The following PIK3R3 variants were observed in gnomAD, a reference collection of about 807,000 sequenced individuals.
PIK3R3 encodes phosphatidylinositol 3-kinase regulatory subunit gamma.
Under a neutral mutation model 62.9 loss-of-function variants are expected in PIK3R3, and 64 were observed. The observed-to-expected ratio is 1.02, with a 90% confidence interval of 0.83 to 1.25. The LOEUF (loss-of-function observed/expected upper bound fraction) is 1.25, where lower values mean the gene tolerates loss of function less well. PIK3R3 is among the 50% of genes most tolerant of loss of function. The probability of loss-of-function intolerance (pLI) is 0.00; values close to 1 mark genes in which losing one functional copy is unlikely to be tolerated. For missense variants in PIK3R3, 614 were observed against 561.6 expected (o/e 1.09, Z -0.94); for synonymous variants, 165 against 189.0 (o/e 0.87, Z 1.04).
In PIK3R3 at chr1:46,053,473, G is replaced by A. The variant is rs1647563490; in HGVS notation, c.941+2322C>T. On this transcript the variant is annotated intron_variant, in intron 7 of 9. Coordinates refer to ENST00000262741, the MANE Select transcript of PIK3R3 (RefSeq NM_003629.4). Reference sequence around the variant, plus strand: ...AACACTCAAGGTGACGGTATTAGGAGGTGAGGACTTTGGGAGGTGATTAGG... The same window carrying A: ...AACACTCAAGGTGACGGTATTAGGAAGTGAGGACTTTGGGAGGTGATTAGG... 2.0e-5 allele frequency among the ~76,000 whole-genome samples: 3 copies of A among 152,170 alleles called. No individual in the cohort carries two copies. The South Asian group carries it at 6.2e-4, about 32-fold the overall frequency.
chr1:46,158,131 C>T, the PIK3R3 span, among the ~76,000 whole-genome samples: 1 of 152,204 alleles, frequency 6.6e-6, no homozygotes, highest in African/African-American at 2.4e-5. Flanking sequence ...CCTTCTCACC[C>T]CCATTCCTGC....
chr1:46,071,752 G>GAC (rs1649550141), intron 3 of PIK3R3, among the ~76,000 whole-genome samples: 1 of 125,662 alleles, frequency 8.0e-6, no homozygotes, highest in Non-Finnish European at 1.6e-5. Flanking sequence ...GAGAGAGAGA[G>GAC]AGAGAGAGCG....
chr1:46,072,638 A>G (rs1649641484), intron 3 of PIK3R3, among the ~76,000 whole-genome samples: 1 of 152,242 alleles, frequency 6.6e-6, no homozygotes, highest in African/African-American at 2.4e-5. Context: ...ATAAATAAGA[A>G]GCATATTCAT....
chr1:46,050,710 C>A (rs2149378804), intron 7 of PIK3R3, among the ~76,000 whole-genome samples: 1 of 152,198 alleles, frequency 6.6e-6, no homozygotes, highest in South Asian at 2.1e-4. Context: ...CAGCATATAC[C>A]CATGAAAAAT....
intron 1 of PIK3R3, among the ~76,000 whole-genome samples, chr1:46,091,753 T>C (rs1488195749): frequency 6.6e-6 from 1 of 152,134 alleles, no homozygotes; most frequent in Non-Finnish European, 1.5e-5. Flanking sequence ...CCAGGACCCC[T>C]GCAGATACCA....
intron 3 of PIK3R3, among the ~76,000 whole-genome samples, chr1:46,068,698 T>C (rs558998030): frequency 3.3e-5 from 5 of 152,262 alleles, no homozygotes; most frequent in African/African-American, 1.2e-4. Context: ...AGGGCATGCT[T>C]GGCATGTTCG....
intron 3 of PIK3R3, among the ~76,000 whole-genome samples, chr1:46,074,510 C>T (rs1649885848): frequency 6.6e-6 from 1 of 151,890 alleles, no homozygotes; most frequent in African/African-American, 2.4e-5. Context: ...TTAGGGGCTG[C>T]TGGGACTCAA....
At chr1:46,127,266 C>T (rs1655170306) in intron 1 of PIK3R3, among the ~76,000 whole-genome samples, 1 of 150,750 alleles carries the variant, frequency 6.6e-6, no homozygotes, top group South Asian at 2.1e-4. Context: ...CATTTGAGCC[C>T]AGGAGGTTGA....
At chr1:46,056,028 C>A in intron 6 of PIK3R3, 57 bp from the exon 7 acceptor site, 1 of 1,181,982 alleles carries the variant, frequency 8.5e-7, no homozygotes, top group East Asian at 2.4e-5. Flanking sequence ...ACAGATCCTA[C>A]TGGGTGAGCA....
rs1647048940 is a variant in PIK3R3 at position 46,044,037 on chromosome 1, TA to T, written c.1188-167del. Among the ~76,000 whole-genome samples the T allele has an allele frequency of 1.3e-5, 2 of 152,166 alleles. No homozygotes were observed. Among genetic ancestry groups the T allele is most frequent in the Non-Finnish European group, 2.9e-5 (2 of 68,032 alleles). The stretch of plus-strand genomic sequence containing the variant: ...CATTCCCTACAGACTTGGCCACAGA[TA>T]CGGGTGTTAAAACAACCACAAATGT... On this transcript the variant is annotated intron_variant, in intron 9 of 9. Coordinates refer to ENST00000262741, the MANE Select transcript of PIK3R3 (RefSeq NM_003629.4). This position sits in a 1 kb window ranked among gnomAD's most constrained non-coding sequence, Gnocchi z 4.2.
At chr1:46,152,720 G>T in the PIK3R3 span, among the ~76,000 whole-genome samples, 26,845 of 151,872 alleles carry the variant, frequency 0.18, 2,619 homozygotes, top group South Asian at 0.39. Context: ...CTGCCACCAC[G>T]CCTGGCTAAT....
the PIK3R3 span, among the ~76,000 whole-genome samples, chr1:46,164,951 G>T: frequency 1.3e-4 from 19 of 151,788 alleles, no homozygotes; most frequent in Non-Finnish European, 2.2e-4. Context: ...CCTCCTGCCT[G>T]AGCCTCCCAA....
chr1:46,124,585 T>C (rs1220628087), intron 1 of PIK3R3, among the ~76,000 whole-genome samples: 3 of 150,974 alleles, frequency 2.0e-5, no homozygotes, highest in African/African-American at 7.3e-5. Context: ...CCACCTGAGG[T>C]TGGGAGTTCG....
intron 1 of PIK3R3, among the ~76,000 whole-genome samples, chr1:46,122,121 G>A (rs537529405): frequency 7.7e-4 from 117 of 151,850 alleles, no homozygotes; most frequent in African/African-American, 2.8e-3. Context: ...AAAAGAAAAA[G>A]AAAACAATAA....
At chr1:46,086,468 G>C (rs1344563637) in intron 1 of PIK3R3, among the ~76,000 whole-genome samples, 1 of 152,128 alleles carries the variant, frequency 6.6e-6, no homozygotes, top group Non-Finnish European at 1.5e-5. Context: ...GGGAGGTCGA[G>C]GCAGGTGGAT....
chr1:46,133,343 A>C (rs577640478), upstream of PIK3R3, among the ~76,000 whole-genome samples: 1 of 152,208 alleles, frequency 6.6e-6, no homozygotes, highest in African/African-American at 2.4e-5. Context: ...CCGGACGAGT[A>C]AGGAGAGGAG....
At chr1:46,165,581 C>T in the PIK3R3 span, among the ~76,000 whole-genome samples, 1 of 151,796 alleles carries the variant, frequency 6.6e-6, no homozygotes, top group African/African-American at 2.4e-5. Flanking sequence ...GCTGGGATTA[C>T]AAGCGTGAGC....
intron 1 of PIK3R3, among the ~76,000 whole-genome samples, chr1:46,112,173 ATTG>A (rs1450095687): frequency 6.6e-6 from 1 of 152,174 alleles, no homozygotes; most frequent in Admixed American, 6.5e-5. Flanking sequence ...AATGTGAAAC[ATTG>A]TTTTTGGTTT....
intron 1 of PIK3R3, among the ~76,000 whole-genome samples, chr1:46,128,683 A>AAGC (rs1655301782): frequency 6.6e-6 from 1 of 152,230 alleles, no homozygotes. Context: ...TGGGCAAGCT[A>AAGC]AGCAGCTCAT....
Sources: allele counts gnomAD v4.1 joint callset (sites outside exome capture counted in the v4.1 genomes callset), GRCh38; gene constraint gnomAD v4.1.1; non-coding constraint Gnocchi (gnomAD v3.1); transcripts MANE v1.5; gene names NCBI Gene and HGNC (gene_info 2026-07-23, HGNC 2026-07-21).